SLC39A11: variants seen among roughly 807,000 people sequenced by gnomAD.
SLC39A11 encodes zinc transporter ZIP11.
In SLC39A11, 33 loss-of-function variants were observed where a neutral mutation model predicts 36.1. That is an observed-to-expected ratio of 0.91 (90% CI 0.69 to 1.22). The LOEUF (loss-of-function observed/expected upper bound fraction) is 1.22. Ranked by LOEUF, SLC39A11 falls within the 50% of genes most tolerant of loss-of-function variation. SLC39A11 has a pLI of 0.00. For missense variants in SLC39A11, 432 were observed against 430.3 expected, an observed-to-expected ratio of 1.00 and a Z score of -0.03; for synonymous variants, 166 against 170.3, an observed-to-expected ratio of 0.97 and a Z score of 0.20.
chr17:72,922,927 C>CA (rs1277318183), intron 5 of SLC39A11, among the ~76,000 whole-genome samples: 3 of 137,918 alleles, frequency 2.2e-5, no homozygotes, highest in Admixed American at 7.9e-5. Context: ...GAGAGTGCGC[C>CA]ACCAGCCTGG....
chr17:72,941,556 G>GT (rs11350044), intron 5 of SLC39A11, among the ~76,000 whole-genome samples: 69,656 of 146,646 alleles, frequency 0.47, 18,733 homozygotes, highest in South Asian at 0.66. Flanking sequence ...TCAGGACTGT[G>GT]TTTTTTTTTT....
chr17:72,915,089 C>A (rs1227398101), intron 5 of SLC39A11, among the ~76,000 whole-genome samples: 1 of 152,128 alleles, frequency 6.6e-6, no homozygotes, highest in Non-Finnish European at 1.5e-5. Flanking sequence ...TTGTACCCAA[C>A]CTTGAGAACC....
At chr17:72,728,779 T>C (rs1322922278) in intron 7 of SLC39A11, among the ~76,000 whole-genome samples, 1 of 152,116 alleles carries the variant, frequency 6.6e-6, no homozygotes, top group African/African-American at 2.4e-5. Context: ...GGGTAACGCT[T>C]TCCCCAATCT....
At position 72,654,260 on chromosome 17, in the gene SLC39A11, A is replaced by G. The variant is rs80179922; in HGVS notation, c.672-4992T>C. 1.3e-3 allele frequency among the ~76,000 whole-genome samples: 197 copies of G among 152,174 alleles called. 2 individuals carry two copies. The East Asian group carries it at 0.013, about 10-fold the overall frequency. ...TGCCGCTTCTGGCATTGGGTATAGG[A>G]TCGGAGTTAATGGCCTCACTTCTTC... On this transcript the variant is annotated intron_variant, in intron 7 of 9. Transcript: ENST00000255559.
chr17:72,735,581 T>C (rs1200963827), intron 7 of SLC39A11, among the ~76,000 whole-genome samples: 1 of 152,168 alleles, frequency 6.6e-6, no homozygotes, highest in Non-Finnish European at 1.5e-5. Context: ...AAAATAACTG[T>C]GAATTCAAGT....
At chr17:72,812,013 C>T (rs1220736140) in intron 6 of SLC39A11, among the ~76,000 whole-genome samples, 1 of 152,168 alleles carries the variant, frequency 6.6e-6, no homozygotes, top group African/African-American at 2.4e-5. Flanking sequence ...AGCTGTGTAA[C>T]AATACAAGGC....
Position 72,647,233 on chromosome 17 carries a change from C to A in SLC39A11, c.*351G>T. On this transcript the variant is annotated 3_prime_UTR_variant, in exon 10 of 10. Transcript: ENST00000255559. ...ATGCTTAGGAGACGTCTTTTGGTAG[C>A]TCGCTTCTATAGGTGACCTTGAGGA... The A allele has an allele frequency of 5.6e-6, 1 of 178,636 alleles. No homozygotes were observed. The highest frequency in any genetic ancestry group is 1.2e-5 in the Non-Finnish European group (1 of 84,868). 11.1% of individuals were successfully genotyped at this position (178,636 alleles called of 1,614,324 possible).
chr17:72,975,928 T>A (rs1228356544), intron 4 of SLC39A11, among the ~76,000 whole-genome samples: 4 of 151,924 alleles, frequency 2.6e-5, no homozygotes, highest in Non-Finnish European at 5.9e-5. Context: ...TCCAGCACTT[T>A]GGGAGGCTGA....
rs116789316 is a variant in SLC39A11 at position 72,809,263 on chromosome 17, G to C, written c.601+40371C>G. ...CCCTCTCAGGCCCACCTTCTCCTGG[G>C]ATTCACTTTCTCCAGATACCTCTCT... On this transcript the variant is annotated intron_variant, in intron 6 of 9. Transcript: ENST00000255559. Among the ~76,000 whole-genome samples, 829 of 149,868 alleles carry C rather than the reference G, an allele frequency of 5.5e-3. 8 individuals are homozygous for C. Among genetic ancestry groups the C allele is most frequent in the African/African-American group, 0.019 (784 of 40,444 alleles).
chr17:72,923,026 C>G (rs1399093969), intron 5 of SLC39A11, among the ~76,000 whole-genome samples: 1 of 148,614 alleles, frequency 6.7e-6, no homozygotes, highest in Admixed American at 6.7e-5. Flanking sequence ...TCCCCACACT[C>G]TCCCCAATTT....
At chr17:72,940,555 C>T (rs898189025) in intron 5 of SLC39A11, among the ~76,000 whole-genome samples, 2 of 152,224 alleles carry the variant, frequency 1.3e-5, no homozygotes, top group Admixed American at 6.5e-5. Flanking sequence ...GGATTACAGG[C>T]GTGAGCCACT....
chr17:73,004,232 A>AAAGG, intron 4 of SLC39A11, among the ~76,000 whole-genome samples: 12 of 88,670 alleles, frequency 1.4e-4, no homozygotes, highest in East Asian at 5.7e-4. Context: ...AGAAAGAAAG[A>AAAGG]AAAGAAAGAA....
intron 7 of SLC39A11, among the ~76,000 whole-genome samples, chr17:72,674,348 T>G (rs1381338526): frequency 6.6e-6 from 1 of 152,222 alleles, no homozygotes; most frequent in East Asian, 1.9e-4. Flanking sequence ...TCCTGAAAAC[T>G]CCTCTAAATG....
intron 7 of SLC39A11, among the ~76,000 whole-genome samples, chr17:72,661,816 T>C (rs2070434895): frequency 6.6e-6 from 1 of 152,122 alleles, no homozygotes; most frequent in African/African-American, 2.4e-5. Flanking sequence ...TCCCTTACAG[T>C]CTGCTGCCTT....
chr17:72,859,150 A>G (rs2079818831), intron 5 of SLC39A11, among the ~76,000 whole-genome samples: 3 of 152,210 alleles, frequency 2.0e-5, no homozygotes, highest in Non-Finnish European at 2.9e-5. Context: ...AAGAGGATGT[A>G]CAAGAGCTTC....
At chr17:72,909,878 T>G (rs2082885539) in intron 5 of SLC39A11, among the ~76,000 whole-genome samples, 1 of 151,702 alleles carries the variant, frequency 6.6e-6, no homozygotes, top group African/African-American at 2.4e-5. Context: ...CCCGAGTAGC[T>G]GGGACTCCAG....
intron 6 of SLC39A11, among the ~76,000 whole-genome samples, chr17:72,777,461 G>A (rs1260818839): frequency 6.6e-6 from 1 of 152,160 alleles, no homozygotes; most frequent in Non-Finnish European, 1.5e-5. Flanking sequence ...CTGGATTAGG[G>A]TGGGTCCCCA....
intron 6 of SLC39A11, among the ~76,000 whole-genome samples, chr17:72,752,196 T>C (rs1413777044): frequency 6.6e-6 from 1 of 152,208 alleles, no homozygotes; most frequent in Non-Finnish European, 1.5e-5. Context: ...ACTTAATAGC[T>C]TGACTTGAAA....
rs181946378 is a variant in SLC39A11 at position 73,009,091 on chromosome 17, G to T, written c.306+22465C>A. Among the ~76,000 whole-genome samples, 374 of 149,022 alleles carry T rather than the reference G, an allele frequency of 2.5e-3. 10 individuals carry two copies. In the East Asian group the frequency reaches 0.058, roughly 23 times the overall value. ...AAAAAAAAAAAAAGGCAGGGGGGCG[G>T]GGTGGCTCACGCCTGTAATTTCAGC... On this transcript the variant is annotated intron_variant, in intron 4 of 9. Transcript: ENST00000255559.
Sources: allele counts gnomAD v4.1 joint callset (sites outside exome capture counted in the v4.1 genomes callset), GRCh38; gene constraint gnomAD v4.1.1; transcripts MANE v1.5; gene names NCBI Gene and HGNC (gene_info 2026-07-23, HGNC 2026-07-21).